ARSG: variants seen among roughly 807,000 people sequenced by gnomAD.
ARSG encodes ASG.
Under a neutral mutation model 50.5 loss-of-function variants are expected in ARSG, and 37 were observed. The observed-to-expected ratio is 0.73, with a 90% confidence interval of 0.56 to 0.96. The LOEUF (loss-of-function observed/expected upper bound fraction) is 0.96, where lower values mean the gene tolerates loss of function less well. Among genes scored for constraint, ARSG ranks in the 50% least tolerant of loss-of-function variants. ARSG has a pLI of 0.00. For missense variants in ARSG, 629 were observed against 675.3 expected (o/e 0.93, Z 0.76); for synonymous variants, 225 against 254.6 (o/e 0.88, Z 1.11).
intron 1 of ARSG, among the ~76,000 whole-genome samples, chr17:68,297,222 A>T (rs2076239914): frequency 6.6e-6 from 1 of 152,160 alleles, no homozygotes; most frequent in Non-Finnish European, 1.5e-5. Context: ...CAAAGGGGAG[A>T]TTCCCCTCAC....
chr17:68,329,563 C>G (rs752385615), intron 2 of ARSG, among the ~76,000 whole-genome samples: 1 of 152,144 alleles, frequency 6.6e-6, no homozygotes, highest in Non-Finnish European at 1.5e-5. Flanking sequence ...TGAGCACAGT[C>G]TAAGAAAACT....
chr17:68,265,251 T>C (rs1297064167), intron 1 of ARSG, among the ~76,000 whole-genome samples: 4 of 151,992 alleles, frequency 2.6e-5, no homozygotes, highest in Non-Finnish European at 5.9e-5. Flanking sequence ...CCCAGCACTT[T>C]GGAAGGCCAT....
At chr17:68,319,456 T>TA (rs2145819096) in intron 2 of ARSG, among the ~76,000 whole-genome samples, 1 of 152,342 alleles carries the variant, frequency 6.6e-6, no homozygotes, top group South Asian at 2.1e-4. Context: ...TTCAGGTTTT[T>TA]ACCTCATGGC....
At chr17:68,407,059 T>G (rs2081758276) in intron 11 of ARSG, among the ~76,000 whole-genome samples, 1 of 152,158 alleles carries the variant, frequency 6.6e-6, no homozygotes, top group Non-Finnish European at 1.5e-5. Context: ...AGGTGAGAGA[T>G]GAGGATCCAG....
At position 68,364,950 on chromosome 17, in the gene ARSG, C is replaced by T. The variant is rs576854618; in HGVS notation, c.705-3598C>T. ...TGGAATCTAGCCTGGCATCAGGATG[C>T]AGGGAGAGAGGTACATCCTTGGGCA... On this transcript the variant is annotated intron_variant, in intron 6 of 11. Coordinates refer to ENST00000621439, the MANE Select transcript of ARSG (RefSeq NM_001267727.2). Among the ~76,000 whole-genome samples, 52 of 152,242 alleles carry T rather than the reference C, an allele frequency of 3.4e-4. 1 individual carries two copies. The South Asian group carries it at 0.011, about 32-fold the overall frequency.
At chr17:68,440,885 C>A in the ARSG span, 1 of 152,194 alleles carries the variant, frequency 6.6e-6, no homozygotes, top group Non-Finnish European at 1.5e-5. Flanking sequence ...TCTCAGGTTA[C>A]GCTTTCCGAT....
chr17:68,287,014 G>T (rs540273984), upstream of ARSG, among the ~76,000 whole-genome samples: 13 of 151,978 alleles, frequency 8.6e-5, no homozygotes, highest in African/African-American at 3.1e-4. Flanking sequence ...ATGGAGTTTC[G>T]CTCTTGTTGC....
chr17:68,314,885 A>G (rs2077011646), intron 2 of ARSG, among the ~76,000 whole-genome samples: 1 of 152,210 alleles, frequency 6.6e-6, no homozygotes. Flanking sequence ...CAAAACTTGG[A>G]AGGATGAGGT....
At chr17:68,287,529 A>T (rs1162639192), upstream of ARSG, among the ~76,000 whole-genome samples, 3 of 152,152 alleles carry the variant, frequency 2.0e-5, no homozygotes, top group East Asian at 1.9e-4. Context: ...TAGTTTTTTT[A>T]AAAAACTCTG....
At chr17:68,270,818 T>C in intron 1 of ARSG, 1 of 1,566,970 alleles carries the variant, frequency 6.4e-7, no homozygotes. Context: ...CAAGTGTTTG[T>C]ATTTTGTGTA....
At chr17:68,445,675 C>T in the ARSG span, among the ~76,000 whole-genome samples, 1 of 152,226 alleles carries the variant, frequency 6.6e-6, no homozygotes, top group Admixed American at 6.5e-5. Flanking sequence ...TAAGTGAAAA[C>T]AGGCCACAGG....
At chr17:68,308,569 A>T (rs1293002672) in intron 2 of ARSG, among the ~76,000 whole-genome samples, 1 of 152,308 alleles carries the variant, frequency 6.6e-6, no homozygotes, top group East Asian at 1.9e-4. Flanking sequence ...CAGTAGCAAG[A>T]TTTATTGCAG....
At chr17:68,333,039 A>C (rs184818405) in intron 2 of ARSG, among the ~76,000 whole-genome samples, 25 of 152,356 alleles carry the variant, frequency 1.6e-4, no homozygotes, top group African/African-American at 6.0e-4. Flanking sequence ...GGCTGGGCCC[A>C]GTGGCTCACG....
At chr17:68,339,443 C>T (rs1377975344) in intron 2 of ARSG, among the ~76,000 whole-genome samples, 1 of 152,068 alleles carries the variant, frequency 6.6e-6, no homozygotes, top group Admixed American at 6.6e-5. Context: ...TTAAAATTCC[C>T]TTAATTATCC....
Position 68,333,047 on chromosome 17 carries a change from A to T in ARSG, c.219-10557A>T, listed in dbSNP as rs532935688. Reference sequence around the variant, plus strand: ...ATAAGAGGGCTGGGCCCAGTGGCTCACGCCTGTAATCCCAGCATTTTGGGA... The same window carrying T: ...ATAAGAGGGCTGGGCCCAGTGGCTCTCGCCTGTAATCCCAGCATTTTGGGA... On this transcript the variant is annotated intron_variant, in intron 2 of 11. Coordinates refer to ENST00000621439, the MANE Select transcript of ARSG (RefSeq NM_001267727.2). 3.3e-5 allele frequency among the ~76,000 whole-genome samples: 5 copies of T among 152,366 alleles called. No homozygotes were observed. The South Asian group carries it at 1.0e-3, about 32-fold the overall frequency.
In ARSG at chr17:68,352,105, G is replaced by C. The variant is rs1268085391; in HGVS notation, c.566+419G>C. On this transcript the variant is annotated intron_variant, in intron 5 of 11. Transcript: ENST00000621439. Reference sequence around the variant, plus strand: ...GAGACAGAGGAGAGAGAGAGAGAGAGAGAGAGAGACAGAGGAGAGAGAGAG... The same window carrying C: ...GAGACAGAGGAGAGAGAGAGAGAGACAGAGAGAGACAGAGGAGAGAGAGAG... 2.3e-5 allele frequency among the ~76,000 whole-genome samples: 3 copies of C among 131,070 alleles called. No individual in the cohort carries two copies. The Admixed American group carries it at 2.5e-4, about 11-fold the overall frequency. 86.0% of individuals were successfully genotyped at this position (131,070 alleles called of 152,430 possible).
intron 10 of ARSG, among the ~76,000 whole-genome samples, chr17:68,397,603 T>C (rs6501430): frequency 0.11 from 16,096 of 151,908 alleles, 2,142 homozygotes; most frequent in African/African-American, 0.31. Flanking sequence ...GGGGGAGGCT[T>C]GAAGGTAAGA....
In ARSG at chr17:68,333,138, G is replaced by A. The variant is rs548859501; in HGVS notation, c.219-10466G>A. Reference sequence around the variant, plus strand: ...ATCCTGGCTAACATGGTGAAACCCCGTCTCTACTAAAAATACAACAACAAC... The same window carrying A: ...ATCCTGGCTAACATGGTGAAACCCCATCTCTACTAAAAATACAACAACAAC... On this transcript the variant is annotated intron_variant, in intron 2 of 11. Transcript: ENST00000621439. 2.0e-3 allele frequency among the ~76,000 whole-genome samples: 311 copies of A among 151,746 alleles called. 1 individual carries two copies. Among genetic ancestry groups the A allele is most frequent in the African/African-American group, 7.2e-3 (296 of 41,370 alleles).
chr17:68,269,061 A>G (rs551202519), intron 1 of ARSG: 1 of 1,585,786 alleles, frequency 6.3e-7, no homozygotes, highest in South Asian at 1.2e-5. Flanking sequence ...ATCCCTCTCC[A>G]GCCAACACAG....
Sources: gnomAD v4.1 joint callset for allele counts (sites outside exome capture counted in the v4.1 genomes callset) on GRCh38, gnomAD v4.1.1 for gene constraint, MANE v1.5 for transcripts, NCBI Gene and HGNC (gene_info 2026-07-23, HGNC 2026-07-21) for gene names.